Variants in EDEM1 observed in about 807,000 individuals in gnomAD.
The protein encoded by EDEM1 is ER degradation-enhancing alpha-mannosidase-like protein 1.
Under a neutral mutation model 74.4 loss-of-function variants are expected in EDEM1, and 67 were observed. That is an observed-to-expected ratio of 0.90 (90% CI 0.74 to 1.10). EDEM1 has a LOEUF of 1.10. Among genes scored for constraint, EDEM1 ranks in the 50% least tolerant of loss-of-function variants. The pLI, the probability that EDEM1 is intolerant of heterozygous loss-of-function variation, is 0.00. For missense variants in EDEM1, 926 were observed against 851.6 expected (o/e 1.09, Z -1.09); for synonymous variants, 382 against 335.9 (o/e 1.14, Z -1.50).
chr3:5,212,957 G>C (rs1003173117), intron 10 of EDEM1, among the ~76,000 whole-genome samples: 5 of 152,208 alleles, frequency 3.3e-5, no homozygotes, highest in African/African-American at 1.2e-4. Context: ...TGTGAGGTTG[G>C]GTGTAGTTCT....
At chr3:5,206,382 A>G (rs2055097139) in intron 6 of EDEM1, among the ~76,000 whole-genome samples, 1 of 151,632 alleles carries the variant, frequency 6.6e-6, no homozygotes, top group South Asian at 2.1e-4. Context: ...TGATTTTTGT[A>G]TTTTTAGTAG....
chr3:5,216,712 G>A lies in EDEM1; in HGVS notation c.*794G>A, dbSNP rs1575594522. ...AACAGATAGTCTCTTAGGTTATTATGTTATGGTCTAAGAGGTTAACTGACA... is the reference window on the plus strand; with the variant it reads ...AACAGATAGTCTCTTAGGTTATTATATTATGGTCTAAGAGGTTAACTGACA... On this transcript the variant is annotated 3_prime_UTR_variant, in exon 12 of 12. Transcript: ENST00000256497. 1 of 152,620 alleles carries A rather than the reference G, an allele frequency of 6.6e-6. No homozygotes were observed. The highest frequency in any genetic ancestry group is 2.4e-5 in the African/African-American group (1 of 41,442). The allele number at this position is 152,620 out of a possible 1,614,324, so 9.5% of individuals were successfully genotyped here. A position where few individuals can be genotyped will look rare whatever the true frequency, so the allele number is the denominator to read the frequency against.
chr3:5,208,405 T>C, intron 8 of EDEM1, 142 bp downstream of exon 8: 1 of 995,016 alleles, frequency 1.0e-6, no homozygotes, highest in African/African-American at 1.6e-5. Context: ...ATCCGTAGTC[T>C]TGTTAGTGTT....
rs13082266 is a variant in EDEM1 at position 5,206,706 on chromosome 3, T to G, written c.1218-447T>G. On this transcript the variant is annotated intron_variant, in intron 6 of 11. Transcript: ENST00000256497. Reference sequence around the variant, plus strand: ...TGCTTTTCAAAGCCACAAACTAAATTGAGCAGTAATCCCCAAGGGTCTTGC... The same window carrying G: ...TGCTTTTCAAAGCCACAAACTAAATGGAGCAGTAATCCCCAAGGGTCTTGC... Among the ~76,000 whole-genome samples, 969 of 152,364 alleles carry G rather than the reference T, an allele frequency of 6.4e-3. 7 individuals are homozygous for G. Among genetic ancestry groups the G allele is most frequent in the Non-Finnish European group, 9.6e-3 (652 of 68,036 alleles).
intron 2 of EDEM1, 101 bp from the exon 3 acceptor site, chr3:5,199,491 A>G (rs565439489): frequency 1.3e-6 from 1 of 789,424 alleles, no homozygotes; most frequent in Admixed American, 2.9e-5. Flanking sequence ...TGGTAGCAAA[A>G]CCACATACAG....
At chr3:5,191,497 T>G (rs1292713691) in intron 1 of EDEM1, among the ~76,000 whole-genome samples, 2 of 152,078 alleles carry the variant, frequency 1.3e-5, no homozygotes, top group African/African-American at 2.4e-5. Context: ...CCTCCCAAAG[T>G]GCTGAGATTA....
chr3:5,193,125 G>T (rs1026846041), intron 1 of EDEM1, among the ~76,000 whole-genome samples: 1 of 152,182 alleles, frequency 6.6e-6, no homozygotes, highest in Admixed American at 6.5e-5. Context: ...GCAGATCTGG[G>T]TGTGACTCAG....
rs544557169 is a variant in EDEM1, at chr3:5,219,291, A to G, written c.*3373A>G. The G allele has an allele frequency of 2.4e-4, 37 of 152,248 alleles. No individual in the cohort carries two copies. Among genetic ancestry groups the G allele is most frequent in the African/African-American group, 7.5e-4 (31 of 41,544 alleles). 9.4% of individuals were successfully genotyped at this position (152,248 alleles called of 1,614,324 possible). ...TGACAAAAACAAAAATCTTTTTTCAAATGTAGTGCTGGTGAAAAGGTAGGG... is the reference window on the plus strand; with the variant it reads ...TGACAAAAACAAAAATCTTTTTTCAGATGTAGTGCTGGTGAAAAGGTAGGG... On this transcript the variant is annotated 3_prime_UTR_variant, in exon 12 of 12. Transcript: ENST00000256497.
chr3:5,212,644 C>A (rs938709415), intron 10 of EDEM1, among the ~76,000 whole-genome samples: 2 of 152,212 alleles, frequency 1.3e-5, no homozygotes, highest in Non-Finnish European at 1.5e-5. Context: ...AATAAAGTTT[C>A]AAAGAGTTTC....
chr3:5,197,874 T>C (rs1486594024), intron 2 of EDEM1, among the ~76,000 whole-genome samples: 2 of 152,172 alleles, frequency 1.3e-5, no homozygotes, highest in African/African-American at 4.8e-5. Flanking sequence ...GGAAAAAATG[T>C]AGTTAGGCAC....
chr3:5,208,326 C>T, intron 8 of EDEM1, 63 bp downstream of exon 8: 1 of 1,542,048 alleles, frequency 6.5e-7, no homozygotes. Context: ...GCAGTTCATT[C>T]TTAATGAACA....
At chr3:5,208,417 A>T (rs2055126087) in intron 8 of EDEM1, among the ~76,000 whole-genome samples, 154 bp downstream of exon 8, 1 of 152,116 alleles carries the variant, frequency 6.6e-6, no homozygotes, top group South Asian at 2.1e-4. Flanking sequence ...GTTAGTGTTC[A>T]GTGTCATTCG....
intron 5 of EDEM1, among the ~76,000 whole-genome samples, chr3:5,203,550 C>T (rs1454967652): frequency 1.3e-5 from 2 of 152,072 alleles, no homozygotes; most frequent in African/African-American, 2.4e-5. Flanking sequence ...ATTGAAAGTC[C>T]AGATTAAACC....
rs538969058 is a variant in EDEM1 at position 5,190,859 on chromosome 3, C to CT, written c.509+2553dup. ...TTCCTTTAACTCCTCTCAGGCTTTG[C>CT]TTTTTTTTAAATATTTTTTAAAAAA... is the stretch of plus-strand genomic sequence containing the variant. On this transcript the variant is annotated intron_variant, in intron 1 of 11. Coordinates refer to ENST00000256497, the MANE Select transcript of EDEM1 (RefSeq NM_014674.3). 4.9e-3 allele frequency among the ~76,000 whole-genome samples: 743 copies of CT among 151,674 alleles called. 5 individuals carry two copies. Among genetic ancestry groups the CT allele is most frequent in the African/African-American group, 0.011 (450 of 41,308 alleles).
rs1559300929 is a variant in EDEM1, at chr3:5,213,297, T to TCTTTTTCTC, written c.1681-20_1681-12dup. On this transcript the variant is annotated intron_variant, in intron 10 of 11. Coordinates refer to ENST00000256497, the MANE Select transcript of EDEM1 (RefSeq NM_014674.3). ...CAGTGTGCTACAATTATTGGTTGTA[T>TCTTTTTCTC]CTTTTTCTCCGTTCCCTCTAGCTGT... is the stretch of plus-strand genomic sequence containing the variant. 3.7e-6 allele frequency: 6 copies of TCTTTTTCTC among 1,605,090 alleles called. No individual in the cohort carries two copies. In the South Asian group the frequency reaches 6.7e-5, roughly 18 times the overall value.
chr3:5,212,379 C>G (rs1462882615), intron 10 of EDEM1, among the ~76,000 whole-genome samples: 1 of 152,338 alleles, frequency 6.6e-6, no homozygotes, highest in East Asian at 1.9e-4. Flanking sequence ...GCAGGTGGCT[C>G]AGTTCTGCTA....
intron 1 of EDEM1, among the ~76,000 whole-genome samples, chr3:5,190,223 AT>A (rs1476580480): frequency 3.9e-5 from 6 of 152,180 alleles, no homozygotes; most frequent in Non-Finnish European, 8.8e-5. Flanking sequence ...TTGGATCTTA[AT>A]TTGTGCTTTT....
In EDEM1 at chr3:5,188,019, C is replaced by G; in HGVS notation, c.214C>G (p.Leu72Val). ...RPGGVSGPSW[L>V]QPPGTGAAQS... is the part of the protein sequence containing the mutation. ...TGGGGGGGTATCCGGGCCGTCGTGG[C>G]TGCAGCCGCCGGGGACCGGGGCAGC... The change falls in exon 1 of 12, where the codon CTG (leucine) becomes GTG (valine). Residue 72 changes from leucine (L) to valine (V), a missense_variant. Transcript: ENST00000256497. 6.8e-7 allele frequency: 1 copy of G among 1,465,882 alleles called. No individual in the cohort carries two copies. The highest frequency in any genetic ancestry group is 9.0e-7 in the Non-Finnish European group (1 of 1,112,598). 90.8% of individuals were successfully genotyped at this position (1,465,882 alleles called of 1,614,324 possible). A position where few individuals can be genotyped will look rare whatever the true frequency, so the allele number is the denominator to read the frequency against.
intron 2 of EDEM1, among the ~76,000 whole-genome samples, chr3:5,197,420 T>G (rs78007758): frequency 0.016 from 2,452 of 152,282 alleles, 71 homozygotes; most frequent in African/African-American, 0.056. Context: ...TTTCAAACAT[T>G]AGTGTGATTT....
Sources: allele counts gnomAD v4.1 joint callset (sites outside exome capture counted in the v4.1 genomes callset), GRCh38; gene constraint gnomAD v4.1.1; transcripts MANE v1.5; gene names NCBI Gene and HGNC (gene_info 2026-07-23, HGNC 2026-07-21).